Variants in LONRF3 observed in about 807,000 individuals in gnomAD.
LONRF3 encodes LON peptidase N-terminal domain and ring finger 3, also known as LON peptidase N-terminal domain and RING finger protein 3.
In LONRF3, 19 loss-of-function variants were observed where a neutral mutation model predicts 51.7. That is an observed-to-expected ratio of 0.37 (90% confidence interval 0.26 to 0.54). The LOEUF (loss-of-function observed/expected upper bound fraction) is 0.54. Among genes scored for constraint, LONRF3 ranks in the 20% least tolerant of loss-of-function variants. The pLI is 0.86. For missense variants in LONRF3, 521 were observed against 623.9 expected (o/e 0.84, Z 1.76); for synonymous variants, 265 against 257.8 (o/e 1.03, Z -0.27).
chrX:118,974,946 C>G lies in LONRF3; in HGVS notation c.166C>G (p.Gln56Glu), dbSNP rs1211950327. 8.5e-7 allele frequency: 1 copy of G among 1,180,358 alleles called. No homozygotes were observed. The highest frequency in any genetic ancestry group is 1.1e-6 in the Non-Finnish European group (1 of 879,459). Residue 56 changes from glutamine to glutamate, a missense_variant, in exon 1 of 11, where the codon CAA (glutamine) becomes GAA (glutamate). Coordinates refer to ENST00000371628, the MANE Select transcript of LONRF3 (RefSeq NM_001031855.3). ...PAPLPTREPEQEQSPGTSTPE... is the reference protein window; with the variant it reads ...PAPLPTREPEEEQSPGTSTPE... ...ACCTCTACCGACGCGGGAGCCAGAG[C>G]AAGAGCAGTCTCCGGGGACCTCAAC... is the stretch of plus-strand genomic sequence containing the variant.
In LONRF3 at chrX:118,974,794, G is replaced by T. The variant is rs781084025; in HGVS notation, c.14G>T (p.Arg5Leu). Residue 5 changes from arginine to leucine, a missense_variant, in exon 1 of 11, where the codon CGG (arginine) becomes CTG (leucine). By Grantham distance (102) the Arg-to-Leu change is moderately radical. This residue lies in a region of LONRF3 where 376 missense variants were observed against 376.7 expected (regional missense o/e 1.00). Coordinates refer to ENST00000371628, the MANE Select transcript of LONRF3 (RefSeq NM_001031855.3). Reference sequence around the variant, plus strand: ...GTCCCTCTTCCCATGGAGTCAGTACGGATCGAACAGATGCTGAGCTTGCCC... The same window carrying T: ...GTCCCTCTTCCCATGGAGTCAGTACTGATCGAACAGATGCTGAGCTTGCCC... Reference protein sequence around the residue: MESVRIEQMLSLPAE... With the variant: MESVLIEQMLSLPAE... 3 of 1,205,380 alleles carry T rather than the reference G, an allele frequency of 2.5e-6. No homozygotes were observed. Among genetic ancestry groups the T allele is most frequent in the Non-Finnish European group, 3.4e-6 (3 of 893,364 alleles).
At chrX:119,005,548 T>C (rs1924648319) in intron 5 of LONRF3, among the ~76,000 whole-genome samples, 1 of 112,116 alleles carries the variant, frequency 8.9e-6, no homozygotes, top group Non-Finnish European at 1.9e-5. Context: ...CCTGCCCCTA[T>C]GAAAATTATC....
intron 5 of LONRF3, among the ~76,000 whole-genome samples, chrX:118,996,901 G>A (rs1422214907): frequency 6.3e-5 from 6 of 95,043 alleles, no homozygotes; most frequent in African/African-American, 1.6e-4. Flanking sequence ...CAGCCTGGGC[G>A]ACAGAGCTAG....
At chrX:118,981,016 T>C (rs1001831794) in intron 2 of LONRF3, among the ~76,000 whole-genome samples, 1 of 111,708 alleles carries the variant, frequency 9.0e-6, no homozygotes, top group African/African-American at 3.3e-5. Context: ...CAAAACCACC[T>C]CCCACCCTGA....
At chrX:118,986,979 C>A (rs1923019738) in intron 3 of LONRF3, 3 of 1,152,170 alleles carry the variant, frequency 2.6e-6, no homozygotes, top group Non-Finnish European at 3.4e-6. Flanking sequence ...GGAACATTCT[C>A]CCGATATCCT....
At chrX:118,991,810 T>A in intron 5 of LONRF3, among the ~76,000 whole-genome samples, 1 of 111,689 alleles carries the variant, frequency 9.0e-6, no homozygotes, top group Admixed American at 9.5e-5. Context: ...GAAAAATCTG[T>A]TTAACACCTG....
chrX:118,999,583 T>G (rs1031019106), intron 5 of LONRF3, among the ~76,000 whole-genome samples: 2 of 112,014 alleles, frequency 1.8e-5, no homozygotes, highest in Admixed American at 9.4e-5. Context: ...TGTTTGTGTT[T>G]TCTCTGAAAA....
At chrX:119,014,083 C>T (rs1925282870) in intron 9 of LONRF3, 124 bp from the exon 10 acceptor site, 1 of 701,574 alleles carries the variant, frequency 1.4e-6, no homozygotes, top group Non-Finnish European at 2.1e-6. Flanking sequence ...AAGGAGAAAG[C>T]TGAATGGGTG....
chrX:118,990,731 G>A (rs3827453), intron 5 of LONRF3, among the ~76,000 whole-genome samples, 171 bp downstream of exon 5: 1 of 111,038 alleles, frequency 9.0e-6, no homozygotes, highest in Non-Finnish European at 1.9e-5. Flanking sequence ...CCCCTTCCCA[G>A]AGACTGCATT....
At chrX:118,999,681 G>A (rs1272099792) in intron 5 of LONRF3, among the ~76,000 whole-genome samples, 2 of 111,561 alleles carry the variant, frequency 1.8e-5, no homozygotes, top group Non-Finnish European at 3.8e-5. Flanking sequence ...GGGCTTTGGA[G>A]GAGGTCTCAA....
chrX:119,000,679 T>G (rs1014148475), intron 5 of LONRF3, among the ~76,000 whole-genome samples: 4 of 111,524 alleles, frequency 3.6e-5, no homozygotes, highest in African/African-American at 1.3e-4. Flanking sequence ...AATGGCCCAG[T>G]GACCTCTTTG....
intron 3 of LONRF3, chrX:118,987,038 G>A: frequency 8.7e-7 from 1 of 1,151,463 alleles, no homozygotes; most frequent in Non-Finnish European, 1.1e-6. Context: ...TAGAGTCAAT[G>A]ACTACTGAAG....
chrX:119,013,081 A>G lies in LONRF3; in HGVS notation c.1854A>G (p.Gln618=). The G allele has an allele frequency of 1.7e-6, 2 of 1,211,978 alleles. No individual in the cohort carries two copies. Among genetic ancestry groups the G allele is most frequent in the African/African-American group, 3.5e-5 (2 of 57,852 alleles). ...GCATCCTAGAGATCAGAAATGTTCA[A>G]TTCTTTGCTGATGGCCGCTCAGTGG... is the stretch of plus-strand genomic sequence containing the variant. ...YGCILEIRNV[Q]FFADGRSVVD... The change falls in exon 9 of 11, where the codon CAA becomes CAG. Residue 618 remains glutamine (Q), a synonymous_variant. Transcript: ENST00000371628.
chrX:118,994,005 C>T (rs1254246676), intron 5 of LONRF3, among the ~76,000 whole-genome samples: 1 of 112,100 alleles, frequency 8.9e-6, no homozygotes, highest in African/African-American at 3.2e-5. Context: ...GCTACCACTA[C>T]AAAAACTGCT....
chrX:118,986,848 C>A, intron 3 of LONRF3: 1 of 962,422 alleles, frequency 1.0e-6, no homozygotes, highest in South Asian at 2.3e-5. Flanking sequence ...CTGGCTCCCT[C>A]CCCCCTTCAC....
chrX:119,012,483 T>C (rs1306170490), intron 8 of LONRF3, among the ~76,000 whole-genome samples: 1 of 110,961 alleles, frequency 9.0e-6, no homozygotes, highest in Non-Finnish European at 1.9e-5. Context: ...TTATGAACAA[T>C]CAAAATTTAT....
chrX:118,986,512 G>A (rs761946874), intron 3 of LONRF3, among the ~76,000 whole-genome samples: 4 of 111,796 alleles, frequency 3.6e-5, no homozygotes, highest in East Asian at 5.6e-4. Context: ...CCCAAGTGAG[G>A]TTTCTCTCCT....
chrX:119,006,053 A>G, intron 5 of LONRF3, 68 bp from the exon 6 acceptor site: 1 of 631,431 alleles, frequency 1.6e-6, no homozygotes, highest in Non-Finnish European at 2.5e-6. Flanking sequence ...TTAAAAACTT[A>G]GCTTTGAGTC....
chrX:118,980,089 C>T (rs143888753), intron 2 of LONRF3, among the ~76,000 whole-genome samples: 4 of 112,172 alleles, frequency 3.6e-5, no homozygotes, highest in African/African-American at 1.3e-4. Flanking sequence ...CAAAAGTGAA[C>T]GTGGCCAAGA....
Sources: gnomAD v4.1 joint callset for allele counts (sites outside exome capture counted in the v4.1 genomes callset) on GRCh38, gnomAD v4.1.1 for gene constraint, gnomAD v4.1.1 regional missense constraint, MANE v1.5 for transcripts, NCBI Gene and HGNC (gene_info 2026-07-23, HGNC 2026-07-21) for gene names.